Variants in GAPVD1 observed in about 807,000 individuals in gnomAD.
GAPVD1 encodes GTPase activating protein and VPS9 domains 1.
In GAPVD1, 35 loss-of-function variants were observed where a neutral mutation model predicts 155.5. The observed-to-expected ratio is 0.23, with a 90% CI of 0.17 to 0.30. The LOEUF (loss-of-function observed/expected upper bound fraction) is 0.30. Among genes scored for constraint, GAPVD1 ranks in the 10% least tolerant of loss-of-function variants. GAPVD1 has a pLI of 1.00. For synonymous variants in GAPVD1, 636 were observed against 619.7 expected (o/e 1.03, Z -0.39); for missense variants, 1,429 against 1,775.7 (o/e 0.80, Z 3.51).
chr9:125,345,469 C>T (rs570000177), intron 19 of GAPVD1, among the ~76,000 whole-genome samples: 2 of 152,250 alleles, frequency 1.3e-5, no homozygotes, highest in Admixed American at 6.5e-5. Context: ...CGTGAGCCAC[C>T]GTGCCCAGCC....
chr9:125,339,229 G>A (rs183012296), intron 17 of GAPVD1, among the ~76,000 whole-genome samples: 248 of 152,148 alleles, frequency 1.6e-3, no homozygotes, highest in African/African-American at 5.1e-3. Flanking sequence ...GGCTCAAACA[G>A]TCCTCCCACC....
intron 14 of GAPVD1, 141 bp downstream of exon 14, chr9:125,332,201 C>T: frequency 2.3e-6 from 2 of 851,638 alleles, no homozygotes; most frequent in Non-Finnish European, 1.8e-6. Flanking sequence ...TCCATTGCAC[C>T]TGAAATCTTT....
At chr9:125,358,190 C>T (rs1220017525) in intron 25 of GAPVD1, among the ~76,000 whole-genome samples, 1 of 152,150 alleles carries the variant, frequency 6.6e-6, no homozygotes, top group Non-Finnish European at 1.5e-5. Flanking sequence ...ACTGCAACCT[C>T]CACCTCCCAA....
chr9:125,312,340 T>G, intron 8 of GAPVD1, 112 bp from the exon 9 acceptor site: 1 of 675,340 alleles, frequency 1.5e-6, no homozygotes, highest in Non-Finnish European at 2.4e-6. Flanking sequence ...TTTTTACCAC[T>G]CTTGTGCATG....
chr9:125,271,280 G>A (rs1834868222), intron 2 of GAPVD1, among the ~76,000 whole-genome samples: 2 of 151,882 alleles, frequency 1.3e-5, no homozygotes, highest in Admixed American at 6.6e-5. Context: ...TATAATGCCG[G>A]TACACCCACG....
chr9:125,350,594 A>G (rs1849156335), intron 22 of GAPVD1, 119 bp from the exon 23 acceptor site: 14 of 706,058 alleles, frequency 2.0e-5, no homozygotes, highest in South Asian at 1.1e-4. Context: ...GGGAGTGGCA[A>G]TACAGCTTAG....
chr9:125,362,539 C>A, intron 27 of GAPVD1, 67 bp from the exon 28 acceptor site: 1 of 1,245,162 alleles, frequency 8.0e-7, no homozygotes, highest in Non-Finnish European at 1.1e-6. Context: ...TCGAAGAACA[C>A]TTAAATGATT....
At chr9:125,323,053 A>G (rs1844597034) in intron 10 of GAPVD1, among the ~76,000 whole-genome samples, 1 of 143,536 alleles carries the variant, frequency 7.0e-6, no homozygotes, top group Non-Finnish European at 1.5e-5. Context: ...ACTCTCTCTA[A>G]AAAAAAAAAA....
chr9:125,262,714 G>A lies in GAPVD1; in HGVS notation c.-199+755G>A, dbSNP rs77995434. Among the ~76,000 whole-genome samples the A allele has an allele frequency of 1.9e-3, 292 of 152,194 alleles. 1 individual carries two copies. The East Asian group carries it at 0.041, about 21-fold the overall frequency. Reference sequence around the variant, plus strand: ...TGAGCAGGACTTTGAACTAGAGAGGGGTTTTAAACTGGAGTTCATTGATGG... The same window carrying A: ...TGAGCAGGACTTTGAACTAGAGAGGAGTTTTAAACTGGAGTTCATTGATGG... On this transcript the variant is annotated intron_variant, in intron 1 of 27. Coordinates refer to ENST00000297933, the MANE Select transcript of GAPVD1 (RefSeq NM_001282680.3).
rs1588932194 is a variant in GAPVD1 at position 125,321,642 on chromosome 9, A to G, written c.1732+80A>G. 11 of 1,273,128 alleles carry G rather than the reference A, an allele frequency of 8.6e-6. No individual in the cohort carries two copies. In the East Asian group the frequency reaches 2.6e-4, roughly 30 times the overall value. The allele number at this position is 1,273,128 out of a possible 1,614,324, so 78.9% of individuals were successfully genotyped here. A position where few individuals can be genotyped will look rare whatever the true frequency, so the allele number is the denominator to read the frequency against. Reference sequence around the variant, plus strand: ...TGTTTTTTAAAGGAGCTTATAAATTATAATTATACCATCTGTGCTTCTCAC... The same window carrying G: ...TGTTTTTTAAAGGAGCTTATAAATTGTAATTATACCATCTGTGCTTCTCAC... On this transcript the variant is annotated intron_variant, in intron 10 of 27. Coordinates refer to ENST00000297933, the MANE Select transcript of GAPVD1 (RefSeq NM_001282680.3).
In GAPVD1 at chr9:125,350,385, A is replaced by C. The variant is rs768953339; in HGVS notation, c.3390A>C (p.Pro1130=). 3.1e-5 allele frequency: 49 copies of C among 1,601,964 alleles called. No individual in the cohort carries two copies. The highest frequency in any genetic ancestry group is 5.1e-6 in the Non-Finnish European group (6 of 1,169,454). The part of the protein sequence containing the change: ...VLTHSTRNGL[P]DHTDPEDNEI... ...CCCATTCAACAAGGAATGGTTTACCAGACCACACAGACCCAGAAGGTAAAT... is the reference window on the plus strand; with the variant it reads ...CCCATTCAACAAGGAATGGTTTACCCGACCACACAGACCCAGAAGGTAAAT... The change falls in exon 22 of 28, where the codon CCA becomes CCC. Residue 1130 remains proline, a synonymous_variant. Transcript: ENST00000297933.
At chr9:125,325,052 C>A (rs1844914167) in intron 11 of GAPVD1, among the ~76,000 whole-genome samples, 1 of 151,758 alleles carries the variant, frequency 6.6e-6, no homozygotes. Flanking sequence ...TAGTGAAACC[C>A]CATCTCTACT....
Position 125,355,766 on chromosome 9 carries a change from G to A in GAPVD1, c.3880G>A (p.Asp1294Asn). ...WQNASEEQLQ[D>N]AQLAIERSVM... The stretch of plus-strand genomic sequence containing the variant: ...AAACGCGAGTGAAGAACAGCTTCAA[G>A]ATGCACAGCTGGCCATTGAGCGAAG... Residue 1294 changes from aspartate (D) to asparagine (N), a missense_variant, in exon 25 of 28, where the codon GAT becomes AAT. Asp to Asn is a conservative substitution (Grantham distance 23, BLOSUM62 1). Transcript: ENST00000297933. The A allele has an allele frequency of 1.2e-6, 2 of 1,613,374 alleles. No individual in the cohort carries two copies. The highest frequency in any genetic ancestry group is 8.5e-7 in the Non-Finnish European group (1 of 1,179,290).
At position 125,330,015 on chromosome 9, in the gene GAPVD1, C is replaced by G. The variant is rs369181195; in HGVS notation, c.2033-63C>G. On this transcript the variant is annotated intron_variant, in intron 12 of 27. Coordinates refer to ENST00000297933, the MANE Select transcript of GAPVD1 (RefSeq NM_001282680.3). The stretch of plus-strand genomic sequence containing the variant: ...TTGTTAGCTAGTGTTTGGCTTTTCT[C>G]CACTATCACTGCACTTTCCTCCAGG... 1.6e-4 allele frequency: 220 copies of G among 1,398,238 alleles called. 4 individuals carry two copies. The South Asian group carries it at 2.7e-3, about 17-fold the overall frequency. The allele number at this position is 1,398,238 out of a possible 1,614,324, so 86.6% of individuals were successfully genotyped here.
chr9:125,298,102 G>A (rs1003797006), intron 3 of GAPVD1, among the ~76,000 whole-genome samples: 1 of 152,138 alleles, frequency 6.6e-6, no homozygotes, highest in Non-Finnish European at 1.5e-5. Flanking sequence ...AGAAGTACAA[G>A]AAAGGAAGCA....
At position 125,349,452 on chromosome 9, in the gene GAPVD1, T is replaced by C; in HGVS notation, c.3232T>C (p.Ser1078Pro). The change falls in exon 21 of 28, where the codon TCG becomes CCG. Residue 1078 changes from serine (S) to proline (P), a missense_variant. Ser to Pro is a moderately conservative substitution (Grantham distance 74). Coordinates refer to ENST00000297933, the MANE Select transcript of GAPVD1 (RefSeq NM_001282680.3). ...CCGTGACGAAGCACTGCAGAACATC[T>C]CGGCTGATGATCTCCCAGACTCTGC... ...SPRDEALQNI[S>P]ADDLPDSASQ... 6.2e-7 allele frequency: 1 copy of C among 1,613,640 alleles called. No homozygotes were observed. The highest frequency in any genetic ancestry group is 8.5e-7 in the Non-Finnish European group (1 of 1,179,552).
At position 125,302,851 on chromosome 9, in the gene GAPVD1, C is replaced by T. The variant is rs762103980; in HGVS notation, c.1029+25C>T. ...GGTATGCTTTTGCTATTATTATTAA[C>T]GTGGCATTTAGTTTAAAATTCAGTT... On this transcript the variant is annotated intron_variant, in intron 5 of 27. Coordinates refer to ENST00000297933, the MANE Select transcript of GAPVD1 (RefSeq NM_001282680.3). 2.5e-5 allele frequency: 39 copies of T among 1,553,446 alleles called. No individual in the cohort carries two copies. In the Admixed American group the frequency reaches 4.9e-4, roughly 20 times the overall value.
intron 12 of GAPVD1, among the ~76,000 whole-genome samples, chr9:125,327,617 C>T (rs1312344516): frequency 8.5e-5 from 13 of 152,244 alleles, no homozygotes; most frequent in African/African-American, 2.9e-4. Flanking sequence ...GATTCTCCTG[C>T]CTCAGCCTCC....
chr9:125,357,238 AG>A (rs1487257426), intron 25 of GAPVD1, among the ~76,000 whole-genome samples: 16 of 152,340 alleles, frequency 1.1e-4, no homozygotes, highest in Admixed American at 9.2e-4. Context: ...TAACAGCACC[AG>A]GCACAGTGGT....
Sources: gnomAD v4.1 joint callset for allele counts (sites outside exome capture counted in the v4.1 genomes callset) on GRCh38, gnomAD v4.1.1 for gene constraint, MANE v1.5 for transcripts, NCBI Gene and HGNC (gene_info 2026-07-23, HGNC 2026-07-21) for gene names.